CAGE1: variants seen among roughly 807,000 people sequenced by gnomAD.
CAGE1 encodes cancer-associated gene 1 protein.
In CAGE1, 66 loss-of-function variants were observed where a neutral mutation model predicts 94.9. The ratio of observed to expected loss-of-function variants is 0.70; its 90% CI spans 0.57 to 0.85. The LOEUF (loss-of-function observed/expected upper bound fraction) is 0.85. Among genes scored for constraint, CAGE1 ranks in the 40% least tolerant of loss-of-function variants. The pLI is 0.00. For missense variants in CAGE1, 865 were observed against 950.4 expected, an observed-to-expected ratio of 0.91 and a Z score of 1.18; for synonymous variants, 319 against 321.0, an observed-to-expected ratio of 0.99 and a Z score of 0.07.
intron 4 of CAGE1, among the ~76,000 whole-genome samples, chr6:7,374,466 A>C (rs1042756258): frequency 6.6e-6 from 1 of 152,170 alleles, no homozygotes; most frequent in Admixed American, 6.5e-5. Context: ...GAACACATAT[A>C]AGATGCTTTG....
rs558928770 is a variant in CAGE1 at position 7,373,889 on chromosome 6, C to T, written c.930G>A (p.Gln310=). The change falls in exon 5 of 14, where the codon CAG becomes CAA. Residue 310 remains glutamine, a synonymous_variant. Coordinates refer to ENST00000502583, the MANE Select transcript of CAGE1 (RefSeq NM_001170692.2). ...QEDMALNEVL[Q]KLKHTNRKQE... is the part of the protein sequence containing the mutation. ...GCTTTCTGTTAGTATGTTTTAATTTCTGCAAGACTTCATTTAAAGCCATGT... is the reference window on the plus strand; with the variant it reads ...GCTTTCTGTTAGTATGTTTTAATTTTTGCAAGACTTCATTTAAAGCCATGT... 2.9e-5 allele frequency: 46 copies of T among 1,613,940 alleles called. No individual in the cohort carries two copies. In the East Asian group the frequency reaches 7.4e-4, roughly 26 times the overall value.
intron 3 of CAGE1, among the ~76,000 whole-genome samples, chr6:7,383,809 A>G (rs977843628): frequency 6.6e-6 from 1 of 152,150 alleles, no homozygotes; most frequent in Non-Finnish European, 1.5e-5. Context: ...GGCCTCCAGG[A>G]AAGTTTTATA....
rs143270911 is a variant in CAGE1, at chr6:7,349,808, T to C, written c.2369+5233A>G. Among the ~76,000 whole-genome samples the C allele has an allele frequency of 4.5e-3, 680 of 151,942 alleles. 6 individuals carry two copies. Among genetic ancestry groups the C allele is most frequent in the African/African-American group, 0.016 (661 of 41,422 alleles). ...TTAGCCAGGTGTGGTGGTGCACACC[T>C]GTAATCCCAGCTACTCAGGAGGCTG... On this transcript the variant is annotated intron_variant, in intron 11 of 13. Transcript: ENST00000502583.
At chr6:7,377,368 T>C (rs1489436965) in intron 4 of CAGE1, among the ~76,000 whole-genome samples, 3 of 152,206 alleles carry the variant, frequency 2.0e-5, no homozygotes, top group Non-Finnish European at 4.4e-5. Context: ...AATGCTGTCA[T>C]CTACTTTCAA....
intron 13 of CAGE1, among the ~76,000 whole-genome samples, chr6:7,327,823 G>A (rs916197233): frequency 6.6e-5 from 10 of 152,022 alleles, no homozygotes; most frequent in African/African-American, 1.4e-4. Context: ...CCAGCTACTC[G>A]GGAGGCTGAG....
At chr6:7,387,382 G>A (rs938539870) in intron 1 of CAGE1, among the ~76,000 whole-genome samples, 186 bp from the exon 2 acceptor site, 2 of 152,086 alleles carry the variant, frequency 1.3e-5, no homozygotes, top group African/African-American at 4.8e-5. Flanking sequence ...TACTGATTTG[G>A]AGAAAAACAA....
chr6:7,373,260 T>C lies in CAGE1; in HGVS notation c.1559A>G (p.Gln520Arg). Residue 520 changes from glutamine (Q) to arginine (R), a missense_variant, in exon 5 of 14, where the codon CAA becomes CGA. By Grantham distance (43) the Gln-to-Arg change is conservative. Transcript: ENST00000502583. ...EKLLTQVRNLQFMSENERTKN... is the reference protein window; with the variant it reads ...EKLLTQVRNLRFMSENERTKN... ...CGTTCTTTCATTTTCAGACATAAAT[T>C]GCAAATTTCTAACTTGAGTGAGCAA... is the stretch of plus-strand genomic sequence containing the variant. The C allele has an allele frequency of 6.2e-7, 1 of 1,603,410 alleles. No individual in the cohort carries two copies. The highest frequency in any genetic ancestry group is 8.5e-7 in the Non-Finnish European group (1 of 1,173,944).
At chr6:7,354,783 G>A (rs796107678) in intron 11 of CAGE1, among the ~76,000 whole-genome samples, 16 of 152,252 alleles carry the variant, frequency 1.1e-4, no homozygotes, top group African/African-American at 3.4e-4. Flanking sequence ...TAAAATTGCT[G>A]AATGTTTCTT....
At chr6:7,387,499 C>T (rs1435569938) in intron 1 of CAGE1, among the ~76,000 whole-genome samples, 2 of 152,086 alleles carry the variant, frequency 1.3e-5, no homozygotes, top group South Asian at 4.1e-4. Context: ...TATCAGAGAC[C>T]TAATAGTTTC....
chr6:7,368,438 G>A (rs543361198), intron 7 of CAGE1, among the ~76,000 whole-genome samples: 17 of 151,898 alleles, frequency 1.1e-4, no homozygotes, highest in Admixed American at 2.0e-4. Flanking sequence ...CAGTAGTGCC[G>A]TGCAAAAATG....
At chr6:7,331,756 G>A in intron 12 of CAGE1, 1 of 161,744 alleles carries the variant, frequency 6.2e-6, no homozygotes, top group Non-Finnish European at 1.4e-5. Context: ...CTCTCCTCCT[G>A]GGAAGTGGCA....
chr6:7,338,637 A>G (rs570268898), intron 11 of CAGE1, among the ~76,000 whole-genome samples: 107 of 151,994 alleles, frequency 7.0e-4, no homozygotes, highest in Non-Finnish European at 1.2e-3. Flanking sequence ...TGGATTTGCC[A>G]TTTACTTTTA....
intron 5 of CAGE1, among the ~76,000 whole-genome samples, chr6:7,370,520 C>T (rs1760503848): frequency 6.6e-6 from 1 of 152,108 alleles, no homozygotes; most frequent in Non-Finnish European, 1.5e-5. Flanking sequence ...TGGTCTTGAA[C>T]TACTGGGCTC....
intron 3 of CAGE1, among the ~76,000 whole-genome samples, chr6:7,382,444 G>A (rs1205412190): frequency 6.6e-6 from 1 of 151,974 alleles, no homozygotes; most frequent in East Asian, 2.0e-4. Context: ...TGGGACTACA[G>A]GCACGCGCCA....
chr6:7,357,470 A>G (rs1439984979), intron 9 of CAGE1, among the ~76,000 whole-genome samples: 1 of 152,142 alleles, frequency 6.6e-6, no homozygotes, highest in Non-Finnish European at 1.5e-5. Context: ...TATAGATTTC[A>G]TGGCACACTT....
chr6:7,364,131 C>T (rs1459391559), intron 9 of CAGE1, among the ~76,000 whole-genome samples: 1 of 152,166 alleles, frequency 6.6e-6, no homozygotes, highest in Non-Finnish European at 1.5e-5. Flanking sequence ...AGCATAGGTA[C>T]TGCTAATGGA....
At chr6:7,375,504 A>G (rs1561865496) in intron 4 of CAGE1, among the ~76,000 whole-genome samples, 4 of 152,334 alleles carry the variant, frequency 2.6e-5, no homozygotes, top group East Asian at 1.9e-4. Flanking sequence ...TGGGAGCCCA[A>G]GGTGAGAGGA....
At chr6:7,329,449 G>A (rs1464221756) in intron 13 of CAGE1, among the ~76,000 whole-genome samples, 1 of 152,126 alleles carries the variant, frequency 6.6e-6, no homozygotes, top group African/African-American at 2.4e-5. Context: ...AATGTGATTG[G>A]GAACCACTGA....
At chr6:7,358,887 G>A (rs184448986) in intron 9 of CAGE1, among the ~76,000 whole-genome samples, 17 of 152,238 alleles carry the variant, frequency 1.1e-4, no homozygotes, top group African/African-American at 2.4e-4. Flanking sequence ...TAAAGCCATC[G>A]CCAAAATGTT....
Sources: allele counts gnomAD v4.1 joint callset (sites outside exome capture counted in the v4.1 genomes callset), GRCh38; gene constraint gnomAD v4.1.1; transcripts MANE v1.5; gene names NCBI Gene and HGNC (gene_info 2026-07-23, HGNC 2026-07-21).